EPB41: variants seen among roughly 807,000 people sequenced by gnomAD.
EPB41 encodes erythrocyte membrane protein band 4.1, also known as protein 4.1.
A neutral mutation model predicts 108.0 loss-of-function variants in EPB41; 65 were observed. The ratio of observed to expected loss-of-function variants is 0.60; its 90% CI spans 0.49 to 0.74. The LOEUF (loss-of-function observed/expected upper bound fraction) is 0.74. Ranked by LOEUF, EPB41 falls within the 30% of genes least tolerant of loss-of-function variation. EPB41 has a pLI of 0.00. For missense variants in EPB41, 875 were observed against 1,037.0 expected, an observed-to-expected ratio of 0.84 and a Z score of 2.15; for synonymous variants, 336 against 358.9, an observed-to-expected ratio of 0.94 and a Z score of 0.72.
At chr1:29,025,609 C>A (rs2096708875) in intron 7 of EPB41, among the ~76,000 whole-genome samples, 1 of 152,002 alleles carries the variant, frequency 6.6e-6, no homozygotes, top group South Asian at 2.1e-4. Flanking sequence ...TGATATTAAT[C>A]TTTCAAATAT....
At chr1:28,903,214 G>T (rs1245098199) in intron 1 of EPB41, among the ~76,000 whole-genome samples, 2 of 152,082 alleles carry the variant, frequency 1.3e-5, no homozygotes, top group African/African-American at 2.4e-5. Context: ...AAGAATACTA[G>T]CAACAGGGCC....
chr1:29,073,803 A>C (rs974993373), intron 16 of EPB41, among the ~76,000 whole-genome samples: 1 of 152,162 alleles, frequency 6.6e-6, no homozygotes, highest in Non-Finnish European at 1.5e-5. Flanking sequence ...TTGAAGGGAA[A>C]AGATGCTGAC....
chr1:28,923,054 CA>C (rs1210651369), intron 1 of EPB41, among the ~76,000 whole-genome samples: 1 of 150,556 alleles, frequency 6.6e-6, no homozygotes, highest in Non-Finnish European at 1.5e-5. Flanking sequence ...TTCTGATAAT[CA>C]GGTATGTGTA....
chr1:28,963,004 A>G (rs891276405), intron 1 of EPB41, among the ~76,000 whole-genome samples: 4 of 152,088 alleles, frequency 2.6e-5, no homozygotes, highest in South Asian at 2.1e-4. Context: ...ATGGATGACC[A>G]TGGGATTTTT....
chr1:28,911,021 T>TA (rs1382353156), upstream of EPB41: 8 of 985,268 alleles, frequency 8.1e-6, no homozygotes, highest in Admixed American at 4.9e-4. Flanking sequence ...CCTTTACCCT[T>TA]GGTACCTGAT....
intron 16 of EPB41, among the ~76,000 whole-genome samples, chr1:29,091,440 CAAAA>C (rs1243268628): frequency 2.6e-5 from 4 of 152,112 alleles, no homozygotes; most frequent in African/African-American, 9.7e-5. Flanking sequence ...TTGCCTGACT[CAAAA>C]GAAACAGTGA....
intron 17 of EPB41, among the ~76,000 whole-genome samples, chr1:29,100,997 G>A (rs1305484698): frequency 1.3e-5 from 2 of 151,538 alleles, no homozygotes; most frequent in East Asian, 3.9e-4. Context: ...GGCCGTGGTG[G>A]GTGGATCACC....
Position 28,987,431 on chromosome 1 carries a change from C to G in EPB41, c.-7C>G, listed in dbSNP as rs2095894569. The G allele has an allele frequency of 6.2e-7, 1 of 1,613,446 alleles. No homozygotes were observed. Among genetic ancestry groups the G allele is most frequent in the Admixed American group, 1.7e-5 (1 of 59,992 alleles). The stretch of plus-strand genomic sequence containing the variant: ...CCCTTTTCTATCTTCTTTTTAATAG[C>G]AACATCATGACAACAGAGAAGAGTT... On this transcript the variant is annotated splice_region_variant and 5_prime_UTR_variant, in exon 2 of 21. Coordinates refer to ENST00000343067, the MANE Select transcript of EPB41 (RefSeq NM_001376013.1).
At chr1:28,978,226 T>C (rs1196306351) in intron 1 of EPB41, among the ~76,000 whole-genome samples, 3 of 151,530 alleles carry the variant, frequency 2.0e-5, no homozygotes, top group Non-Finnish European at 4.4e-5. Flanking sequence ...TGGCAAAATG[T>C]CTCAATTCTG....
chr1:29,040,215 A>G (rs1640961039), intron 11 of EPB41, among the ~76,000 whole-genome samples: 1 of 152,046 alleles, frequency 6.6e-6, no homozygotes, highest in African/African-American at 2.4e-5. Context: ...AATAAATAAT[A>G]GCTATTTTCT....
intron 1 of EPB41, among the ~76,000 whole-genome samples, chr1:28,921,938 T>TTTTATATATATATATATA (rs370726721): frequency 6.8e-5 from 7 of 102,650 alleles, no homozygotes; most frequent in African/African-American, 3.2e-4. Flanking sequence ...TTATGAAATT[T>TTTTATATATATATATATA]TATATATATA....
intron 1 of EPB41, among the ~76,000 whole-genome samples, chr1:28,959,609 GGA>G (rs2095115865): frequency 6.6e-6 from 1 of 152,184 alleles, no homozygotes; most frequent in Admixed American, 6.6e-5. Flanking sequence ...ATTTATAGCA[GGA>G]GGGACTGGAA....
Position 28,887,837 on chromosome 1 carries a change from G to T in EPB41, c.-8+627G>T, listed in dbSNP as rs2089623768. 4.2e-6 allele frequency: 1 copy of T among 238,640 alleles called. No individual in the cohort carries two copies. The highest frequency in any genetic ancestry group is 6.8e-6 in the Non-Finnish European group (1 of 147,018). The allele number at this position is 238,640 out of a possible 1,614,324, so 14.8% of individuals were successfully genotyped here. On this transcript the variant is annotated intron_variant, in intron 1 of 16. Coordinates refer to the EPB41 transcript ENST00000347529. The surrounding 1 kb of genome is among the most constrained non-coding windows in gnomAD (Gnocchi z 4.9). ...GGCTTGGTCTAGGGGACTTCCCTCT[G>T]TCTGGGTCTCCCGGGTCTCTCTGTC...
At chr1:29,084,694 A>G (rs1658068348) in intron 16 of EPB41, among the ~76,000 whole-genome samples, 1 of 152,242 alleles carries the variant, frequency 6.6e-6, no homozygotes, top group African/African-American at 2.4e-5. Context: ...CTAATCAGAA[A>G]TATTCTATTT....
chr1:29,080,930 G>T (rs1028212821), intron 16 of EPB41, among the ~76,000 whole-genome samples: 2 of 152,096 alleles, frequency 1.3e-5, no homozygotes, highest in Non-Finnish European at 2.9e-5. Context: ...ATGTGATTCT[G>T]GTTGCTACTA....
At chr1:28,989,825 G>A (rs1481076565) in intron 2 of EPB41, among the ~76,000 whole-genome samples, 3 of 152,042 alleles carry the variant, frequency 2.0e-5, no homozygotes, top group Non-Finnish European at 4.4e-5. Context: ...GAGTGAAACC[G>A]GTAAAAGCTC....
chr1:29,103,668 G>GTTTT (rs377093475), intron 17 of EPB41, among the ~76,000 whole-genome samples: 282 of 152,030 alleles, frequency 1.9e-3, no homozygotes, highest in African/African-American at 6.6e-3. Flanking sequence ...TTGTTTGTTT[G>GTTTT]TTTATTTATT....
In EPB41 at chr1:29,117,011, T is replaced by C. The variant is rs933357887; in HGVS notation, c.*199T>C. 1 of 152,248 alleles carries C rather than the reference T, an allele frequency of 6.6e-6. No homozygotes were observed. Among genetic ancestry groups the C allele is most frequent in the Non-Finnish European group, 1.5e-5 (1 of 68,040 alleles). 9.4% of individuals were successfully genotyped at this position (152,248 alleles called of 1,614,324 possible). On this transcript the variant is annotated 3_prime_UTR_variant, in exon 21 of 21. Transcript: ENST00000343067. ...TCTCATTGATCCTTTTGAAGAGCTT[T>C]TTCTATATTAGGATATCAGAATTGT...
Position 29,011,901 on chromosome 1 carries a change from G to A in EPB41, c.823G>A (p.Val275Ile), listed in dbSNP as rs745890106. 6.2e-7 allele frequency: 1 copy of A among 1,614,050 alleles called. No homozygotes were observed. The highest frequency in any genetic ancestry group is 1.7e-5 in the Admixed American group (1 of 60,016). The change falls in exon 5 of 21, where the codon GTT (valine) becomes ATT (isoleucine). Residue 275 changes from valine (V) to isoleucine (I), a missense_variant. By Grantham distance (29) the Val-to-Ile change is conservative. Coordinates refer to ENST00000343067, the MANE Select transcript of EPB41 (RefSeq NM_001376013.1). ...TTCCGCCAAAGAAATAAAAAAGCAG[G>A]TTCGTGGTAAGTGGATATAGCTCTT... ...LDSAKEIKKQ[V>I]RGVPWNFTFN...
Sources: gnomAD v4.1 joint callset for allele counts (sites outside exome capture counted in the v4.1 genomes callset) on GRCh38, gnomAD v4.1.1 for gene constraint, Gnocchi (gnomAD v3.1) non-coding constraint, MANE v1.5 for transcripts, NCBI Gene and HGNC (gene_info 2026-07-23, HGNC 2026-07-21) for gene names.